Variants in SLC2A9 observed in about 807,000 individuals in gnomAD.
SLC2A9 encodes solute carrier family 2 member 9.
A neutral mutation model predicts 50.6 loss-of-function variants in SLC2A9; 39 were observed. The ratio of observed to expected loss-of-function variants is 0.77; its 90% CI spans 0.60 to 1.01. The LOEUF (loss-of-function observed/expected upper bound fraction) is 1.01, where lower values mean the gene tolerates loss of function less well. SLC2A9 is among the 50% of genes least tolerant of loss of function. The pLI is 0.00. For missense variants in SLC2A9, 686 were observed against 677.6 expected (o/e 1.01, Z -0.14); for synonymous variants, 324 against 276.9 (o/e 1.17, Z -1.69).
At chr4:9,917,497 T>C (rs1743101209) in intron 7 of SLC2A9, among the ~76,000 whole-genome samples, 1 of 151,876 alleles carries the variant, frequency 6.6e-6, no homozygotes, top group African/African-American at 2.4e-5. Flanking sequence ...CATGCCTGGC[T>C]AATTTTTATA....
At chr4:9,944,834 CCTT>C (rs1234404392) in intron 5 of SLC2A9, among the ~76,000 whole-genome samples, 1 of 152,182 alleles carries the variant, frequency 6.6e-6, no homozygotes, top group Non-Finnish European at 1.5e-5. Flanking sequence ...ATTCCCCTCA[CCTT>C]CTACCAAGAA....
chr4:9,958,621 C>T (rs1364465481), intron 5 of SLC2A9, among the ~76,000 whole-genome samples: 5 of 152,080 alleles, frequency 3.3e-5, no homozygotes, highest in African/African-American at 1.2e-4. Flanking sequence ...GCACATGTAT[C>T]GCAGAACTTA....
intron 3 of SLC2A9, chr4:9,782,318 T>C (rs1718540958): frequency 1.9e-6 from 3 of 1,614,014 alleles, no homozygotes; most frequent in Non-Finnish European, 2.5e-6. Context: ...GGTCATGCCC[T>C]GGAAGGCAGT....
At chr4:9,927,691 G>C (rs1745154282) in intron 6 of SLC2A9, among the ~76,000 whole-genome samples, 1 of 152,184 alleles carries the variant, frequency 6.6e-6, no homozygotes, top group East Asian at 1.9e-4. Context: ...ACAGCAGTTG[G>C]ATCCAAGGTA....
At chr4:9,894,760 C>T (rs1202526752) in intron 8 of SLC2A9, among the ~76,000 whole-genome samples, 2 of 152,170 alleles carry the variant, frequency 1.3e-5, no homozygotes, top group South Asian at 2.1e-4. Context: ...AACTCTGTCT[C>T]CTAAGCTTCT....
chr4:9,862,140 T>A (rs1159358126), intron 10 of SLC2A9, among the ~76,000 whole-genome samples: 1 of 150,510 alleles, frequency 6.6e-6, no homozygotes, highest in Non-Finnish European at 1.5e-5. Context: ...AGGACATAGA[T>A]TTACAAAGAC....
chr4:9,898,910 A>G (rs532650493), intron 8 of SLC2A9, among the ~76,000 whole-genome samples: 14 of 151,700 alleles, frequency 9.2e-5, no homozygotes, highest in Non-Finnish European at 1.6e-4. Context: ...CCGTTGAGCA[A>G]CCATTAATGG....
At chr4:9,981,375 T>C (rs961590585) in intron 4 of SLC2A9, among the ~76,000 whole-genome samples, 3 of 118,590 alleles carry the variant, frequency 2.5e-5, no homozygotes, top group Non-Finnish European at 3.6e-5. Context: ...GTGGTCACAA[T>C]GATAATAGCC....
chr4:9,964,413 C>T (rs115269518), intron 5 of SLC2A9, among the ~76,000 whole-genome samples: 25 of 152,328 alleles, frequency 1.6e-4, no homozygotes, highest in African/African-American at 5.5e-4. Flanking sequence ...AACCTCTAAA[C>T]TTCTTTTCTC....
At chr4:9,781,821 A>AC in intron 3 of SLC2A9, 1 of 439,712 alleles carries the variant, frequency 2.3e-6, no homozygotes, top group Non-Finnish European at 3.9e-6. Flanking sequence ...GGAGGGGCGC[A>AC]CCACGGCCAT....
intron 10 of SLC2A9, among the ~76,000 whole-genome samples, chr4:9,867,915 C>T (rs544991778): frequency 8.5e-5 from 13 of 152,296 alleles, no homozygotes; most frequent in African/African-American, 2.4e-4. Context: ...AACTCACATG[C>T]GTGCCCCCCC....
intron 5 of SLC2A9, among the ~76,000 whole-genome samples, chr4:9,976,339 A>G (rs1056541473): frequency 6.8e-6 from 1 of 147,080 alleles, no homozygotes; most frequent in Non-Finnish European, 1.5e-5. Context: ...GCCTTCATTG[A>G]AGCCCAGTTT....
At chr4:9,982,462 T>C (rs1756044781) in intron 4 of SLC2A9, among the ~76,000 whole-genome samples, 1 of 145,206 alleles carries the variant, frequency 6.9e-6, no homozygotes, top group South Asian at 2.1e-4. Flanking sequence ...TAAAAGACAT[T>C]TGTTCTATCT....
chr4:9,796,003 G>T (rs1720554928), downstream of SLC2A9, among the ~76,000 whole-genome samples: 1 of 152,172 alleles, frequency 6.6e-6, no homozygotes, highest in Non-Finnish European at 1.5e-5. Flanking sequence ...CTTTACAGGT[G>T]ACAAAATTGA....
chr4:9,874,185 C>G (rs180713341), intron 10 of SLC2A9, among the ~76,000 whole-genome samples: 6 of 152,268 alleles, frequency 3.9e-5, no homozygotes, highest in African/African-American at 1.4e-4. Flanking sequence ...TCAGACATTC[C>G]TCCTTTTCCC....
chr4:9,985,448 C>T (rs947621735), intron 4 of SLC2A9, among the ~76,000 whole-genome samples: 4 of 152,152 alleles, frequency 2.6e-5, no homozygotes, highest in South Asian at 2.1e-4. Context: ...AGACTGCGGA[C>T]CCTGCCCAGC....
intron 10 of SLC2A9, among the ~76,000 whole-genome samples, chr4:9,844,328 T>C (rs1728605506): frequency 6.6e-6 from 1 of 152,052 alleles, no homozygotes; most frequent in Admixed American, 6.6e-5. Flanking sequence ...GCCAGGAAAA[T>C]AGAAAATACG....
At chr4:9,796,014 G>A (rs1352090519), downstream of SLC2A9, among the ~76,000 whole-genome samples, 1 of 152,152 alleles carries the variant, frequency 6.6e-6, no homozygotes, top group African/African-American at 2.4e-5. Context: ...ACAAAATTGA[G>A]GAATAGAGAG....
intron 3 of SLC2A9, among the ~76,000 whole-genome samples, chr4:9,813,620 G>A (rs1293980937): frequency 6.6e-6 from 1 of 152,258 alleles, no homozygotes; most frequent in African/African-American, 2.4e-5. Context: ...TGTAGTTAAG[G>A]ATCCCAGAGT....
Sources: gnomAD v4.1 joint callset for allele counts (sites outside exome capture counted in the v4.1 genomes callset) on GRCh38, gnomAD v4.1.1 for gene constraint, MANE v1.5 for transcripts, NCBI Gene and HGNC (gene_info 2026-07-23, HGNC 2026-07-21) for gene names.